The following PTPN12 variants were observed in gnomAD, a reference collection of about 807,000 sequenced individuals.
The protein encoded by PTPN12 is protein tyrosine phosphatase non-receptor type 12.
In PTPN12, 29 loss-of-function variants were observed where a neutral mutation model predicts 97.6. The ratio of observed to expected loss-of-function variants is 0.30; its 90% CI spans 0.22 to 0.41. The LOEUF is 0.41. Ranked by LOEUF, PTPN12 falls within the 10% of genes least tolerant of loss-of-function variation. The pLI, the probability that PTPN12 is intolerant of heterozygous loss-of-function variation, is 1.00. For synonymous variants in PTPN12, 327 were observed against 300.4 expected, an observed-to-expected ratio of 1.09 and a Z score of -0.91; for missense variants, 819 against 926.0, an observed-to-expected ratio of 0.88 and a Z score of 1.50.
At chr7:77,595,419 G>A (rs1308503708) in intron 6 of PTPN12, among the ~76,000 whole-genome samples, 5 of 152,186 alleles carry the variant, frequency 3.3e-5, no homozygotes, top group Non-Finnish European at 7.3e-5. Context: ...ATGAGGACAA[G>A]GGTAAAGTGG....
intron 12 of PTPN12, among the ~76,000 whole-genome samples, chr7:77,620,971 G>A (rs1788912734): frequency 6.6e-6 from 1 of 150,772 alleles, no homozygotes; most frequent in Non-Finnish European, 1.5e-5. Flanking sequence ...CAAAAATAAA[G>A]TACATGTTGG....
At chr7:77,608,034 C>T (rs969715752) in intron 9 of PTPN12, among the ~76,000 whole-genome samples, 1 of 152,166 alleles carries the variant, frequency 6.6e-6, no homozygotes, top group Non-Finnish European at 1.5e-5. Context: ...GGATTGTAGG[C>T]GTGAGCTACG....
chr7:77,597,303 C>T lies in PTPN12; in HGVS notation c.493-539C>T, dbSNP rs1028932225. On this transcript the variant is annotated intron_variant, in intron 6 of 17. Coordinates refer to ENST00000248594, the MANE Select transcript of PTPN12 (RefSeq NM_002835.4). The stretch of plus-strand genomic sequence containing the variant: ...CACACACAGCTAAGTTTTGTATTTT[C>T]GTAGAGATGGGGTTTTACCATGTTG... Among the ~76,000 whole-genome samples, 6 of 151,980 alleles carry T rather than the reference C, an allele frequency of 3.9e-5. 1 individual carries two copies. In the East Asian group the frequency reaches 7.7e-4, roughly 20 times the overall value.
chr7:77,598,034 C>A, intron 7 of PTPN12, 133 bp downstream of exon 7: 1 of 1,197,380 alleles, frequency 8.4e-7, no homozygotes. Context: ...TCAAGACTAG[C>A]CTGGGCAACA....
At chr7:77,594,870 A>G (rs898283111) in intron 6 of PTPN12, among the ~76,000 whole-genome samples, 2 of 152,254 alleles carry the variant, frequency 1.3e-5, no homozygotes, top group African/African-American at 4.8e-5. Context: ...TACAGTGCTT[A>G]ACATCAACAA....
chr7:77,600,600 A>AG, intron 7 of PTPN12, 64 bp from the exon 8 acceptor site: 1 of 1,354,780 alleles, frequency 7.4e-7, no homozygotes, highest in Non-Finnish European at 1.0e-6. Context: ...AGTTTAAATG[A>AG]GCTGTGCAAC....
chr7:77,602,119 CCTTTGA>C (rs1418224757), intron 8 of PTPN12, among the ~76,000 whole-genome samples: 9 of 150,444 alleles, frequency 6.0e-5, no homozygotes, highest in African/African-American at 9.8e-5. Context: ...GTAAACTCTT[CCTTTGA>C]CTTTGGGGGA....
At chr7:77,547,596 A>G (rs955034016) in intron 1 of PTPN12, among the ~76,000 whole-genome samples, 2 of 152,184 alleles carry the variant, frequency 1.3e-5, no homozygotes, top group Non-Finnish European at 2.9e-5. Flanking sequence ...ACAAGATAAT[A>G]TATGTAAAGT....
At chr7:77,582,661 G>A (rs1267935919) in intron 3 of PTPN12, among the ~76,000 whole-genome samples, 2 of 151,742 alleles carry the variant, frequency 1.3e-5, no homozygotes, top group South Asian at 4.2e-4. Flanking sequence ...GTGCATGCCT[G>A]TAATACCAGC....
chr7:77,596,171 G>A (rs544006097), intron 6 of PTPN12, among the ~76,000 whole-genome samples: 4 of 152,052 alleles, frequency 2.6e-5, no homozygotes, highest in East Asian at 1.9e-4. Flanking sequence ...TAAGTAATTC[G>A]TTTAGACACT....
chr7:77,627,813 A>G (rs1789255674), intron 13 of PTPN12, 138 bp downstream of exon 13: 4 of 773,162 alleles, frequency 5.2e-6, no homozygotes, highest in Non-Finnish European at 7.4e-6. Context: ...CTTAGATACT[A>G]ATTTTTTAAT....
chr7:77,588,019 A>G (rs550662835), intron 5 of PTPN12, among the ~76,000 whole-genome samples: 1 of 152,270 alleles, frequency 6.6e-6, no homozygotes, highest in South Asian at 2.1e-4. Flanking sequence ...AGCTGGTTTG[A>G]TCTTCTATCT....
intron 3 of PTPN12, 31 bp downstream of exon 3, chr7:77,581,534 G>C: frequency 7.3e-7 from 1 of 1,375,030 alleles, no homozygotes; most frequent in African/African-American, 1.5e-5. Flanking sequence ...GTGTTTCTCT[G>C]CCATATTAAT....
At position 77,618,575 on chromosome 7, in the gene PTPN12, G is replaced by A; in HGVS notation, c.1025+10G>A. ...CACCAAGGACCCGCAGGTATTGTATGTCTTCGAACATTTTCTTTAAAAGCA... is the reference window on the plus strand; with the variant it reads ...CACCAAGGACCCGCAGGTATTGTATATCTTCGAACATTTTCTTTAAAAGCA... On this transcript the variant is annotated intron_variant, in intron 12 of 17. Coordinates refer to ENST00000248594, the MANE Select transcript of PTPN12 (RefSeq NM_002835.4). 1.3e-6 allele frequency: 2 copies of A among 1,562,022 alleles called. No homozygotes were observed. Among genetic ancestry groups the A allele is most frequent in the Non-Finnish European group, 1.8e-6 (2 of 1,138,072 alleles).
At chr7:77,541,865 T>TGCTAATTTTGCTAATAAATTAGCAAATA in intron 1 of PTPN12, among the ~76,000 whole-genome samples, 2 of 152,212 alleles carry the variant, frequency 1.3e-5, no homozygotes, top group South Asian at 4.1e-4. Flanking sequence ...GTTGAAAACA[T>TGCTAATTTTGCTAATAAATTAGCAAATA]GCTAATTTTG....
intron 14 of PTPN12, among the ~76,000 whole-genome samples, chr7:77,632,950 C>T (rs1198159460): frequency 3.9e-4 from 59 of 151,644 alleles, no homozygotes; most frequent in African/African-American, 7.3e-5. Flanking sequence ...AGCAAGATTT[C>T]GTCTCAAAAA....
intron 8 of PTPN12, chr7:77,601,080 A>T (rs1366795593): frequency 3.7e-6 from 1 of 268,882 alleles, no homozygotes; most frequent in South Asian, 8.4e-5. Context: ...TGATTAGAGC[A>T]TATAATCTCA....
chr7:77,637,338 A>G (rs1021915641), intron 16 of PTPN12, among the ~76,000 whole-genome samples: 1 of 152,190 alleles, frequency 6.6e-6, no homozygotes, highest in Non-Finnish European at 1.5e-5. Context: ...TCTGTTTTTA[A>G]AAACACCTAG....
intron 6 of PTPN12, among the ~76,000 whole-genome samples, chr7:77,596,391 T>A (rs548857741): frequency 3.7e-4 from 56 of 152,224 alleles, no homozygotes; most frequent in South Asian, 1.0e-3. Context: ...TTAAGGTTTT[T>A]AAAAAAATTT....
Sources: allele counts gnomAD v4.1 joint callset (sites outside exome capture counted in the v4.1 genomes callset), GRCh38; gene constraint gnomAD v4.1.1; transcripts MANE v1.5; gene names NCBI Gene and HGNC (gene_info 2026-07-23, HGNC 2026-07-21).